ZMYND11: variants seen among roughly 807,000 people sequenced by gnomAD.
ZMYND11 encodes the protein zinc finger MYND-type containing 11.
ZMYND11 carries 9 observed loss-of-function variants against 84.9 expected under a neutral mutation model. The observed-to-expected ratio is 0.11, with a 90% CI of 0.06 to 0.18. ZMYND11 has a LOEUF of 0.18. Ranked by LOEUF, ZMYND11 falls within the 10% of genes least tolerant of loss-of-function variation. ZMYND11 has a pLI of 1.00. For synonymous variants in ZMYND11, 250 were observed against 244.1 expected, an observed-to-expected ratio of 1.02 and a Z score of -0.23; for missense variants, 409 against 761.0, an observed-to-expected ratio of 0.54 and a Z score of 5.44.
intron 4 of ZMYND11, among the ~76,000 whole-genome samples, chr10:225,908 GC>G (rs1948036193): frequency 6.6e-6 from 1 of 152,168 alleles, no homozygotes; most frequent in Non-Finnish European, 1.5e-5. Flanking sequence ...CTGTTCGAGA[GC>G]TTCTTTGGTG....
intron 2 of ZMYND11, among the ~76,000 whole-genome samples, chr10:196,468 T>A (rs1369073848): frequency 1.3e-5 from 2 of 152,174 alleles, no homozygotes; most frequent in Non-Finnish European, 2.9e-5. Context: ...TGGAAGTTTT[T>A]AAGATGTATA....
chr10:146,799 A>G (rs935357188), intron 1 of ZMYND11, among the ~76,000 whole-genome samples: 2 of 152,212 alleles, frequency 1.3e-5, no homozygotes. Flanking sequence ...GGTTTTCCCC[A>G]TGCTGTTCTC....
intron 2 of ZMYND11, chr10:197,886 A>G: frequency 1.8e-6 from 1 of 564,446 alleles, no homozygotes; most frequent in South Asian, 2.3e-5. Flanking sequence ...GTGACTATCA[A>G]ACTTACAATA....
At chr10:224,712 G>A (rs1485138360) in intron 4 of ZMYND11, among the ~76,000 whole-genome samples, 1 of 152,122 alleles carries the variant, frequency 6.6e-6, no homozygotes, top group African/African-American at 2.4e-5. Context: ...TAGTGTGTAT[G>A]TACTCGACAG....
intron 2 of ZMYND11, among the ~76,000 whole-genome samples, chr10:197,634 G>A (rs1173212695): frequency 6.6e-6 from 1 of 152,156 alleles, no homozygotes; most frequent in Non-Finnish European, 1.5e-5. Flanking sequence ...AGTTGCCTAG[G>A]TAAAGTGTAG....
intron 3 of ZMYND11, among the ~76,000 whole-genome samples, chr10:215,138 C>G (rs1945951314): frequency 6.6e-6 from 1 of 152,198 alleles, no homozygotes; most frequent in Non-Finnish European, 1.5e-5. Context: ...TTGACAGATA[C>G]TTTTGATCTC....
intron 3 of ZMYND11, among the ~76,000 whole-genome samples, chr10:219,416 T>A (rs2131394672): frequency 6.6e-6 from 1 of 152,342 alleles, no homozygotes; most frequent in Non-Finnish European, 1.5e-5. Flanking sequence ...TTAAGATGTT[T>A]TTAAAACAGC....
chr10:134,562 A>C (rs192752836), upstream of ZMYND11: 1 of 152,416 alleles, frequency 6.6e-6, no homozygotes, highest in East Asian at 1.9e-4. Flanking sequence ...CGGGGAACTT[A>C]GCGTATCCCT....
At chr10:205,625 GC>G (rs1943980453) in intron 2 of ZMYND11, among the ~76,000 whole-genome samples, 1 of 152,122 alleles carries the variant, frequency 6.6e-6, no homozygotes, top group Admixed American at 6.6e-5. Flanking sequence ...GGGAGGTCAA[GC>G]CTGCAGTGAG....
intron 1 of ZMYND11, among the ~76,000 whole-genome samples, chr10:179,370 T>C (rs1428012257): frequency 6.6e-6 from 1 of 152,166 alleles, no homozygotes; most frequent in African/African-American, 2.4e-5. Context: ...TGCTGTTTCC[T>C]AATAGTGTAA....
intron 2 of ZMYND11, among the ~76,000 whole-genome samples, chr10:202,834 A>G (rs1438921185): frequency 2.0e-5 from 3 of 152,346 alleles, no homozygotes; most frequent in Non-Finnish European, 4.4e-5. Context: ...TGCTAGGACT[A>G]ACAACAAAGC....
At chr10:164,623 C>CA (rs1474932160) in intron 1 of ZMYND11, among the ~76,000 whole-genome samples, 1 of 152,158 alleles carries the variant, frequency 6.6e-6, no homozygotes, top group East Asian at 1.9e-4. Flanking sequence ...CCCGTTTACT[C>CA]AGATTCCATT....
chr10:238,519 C>G (rs1019455153), intron 6 of ZMYND11, among the ~76,000 whole-genome samples: 5 of 151,908 alleles, frequency 3.3e-5, no homozygotes, highest in East Asian at 1.9e-4. Flanking sequence ...ACCACGCCCA[C>G]CTAATTTTTT....
At chr10:227,836 T>C (rs888546483) in intron 4 of ZMYND11, among the ~76,000 whole-genome samples, 4 of 152,180 alleles carry the variant, frequency 2.6e-5, no homozygotes, top group South Asian at 4.1e-4. Flanking sequence ...GTAAGTACTT[T>C]TACACTTTCA....
chr10:187,633 CAAAAAA>C (rs55992888), intron 2 of ZMYND11, among the ~76,000 whole-genome samples: 1 of 136,190 alleles, frequency 7.3e-6, no homozygotes. Context: ...GACTCCGTCT[CAAAAAA>C]AAAAAAAAAA....
chr10:179,462 A>G (rs961801446), intron 1 of ZMYND11, among the ~76,000 whole-genome samples: 4 of 152,098 alleles, frequency 2.6e-5, no homozygotes, highest in Non-Finnish European at 4.4e-5. Flanking sequence ...CTGTCCCTCA[A>G]CCTTTCACAT....
chr10:249,855 T>C (rs1242509518), intron 14 of ZMYND11: 2 of 847,168 alleles, frequency 2.4e-6, no homozygotes, highest in Non-Finnish European at 2.8e-6. Context: ...GAAAGAAATA[T>C]TTTTAAATCT....
chr10:236,268 CT>C (rs1300019678), intron 4 of ZMYND11, among the ~76,000 whole-genome samples: 2 of 152,140 alleles, frequency 1.3e-5, no homozygotes, highest in African/African-American at 2.4e-5. Context: ...TGAAGTTAGA[CT>C]TTTTTGGTGC....
intron 9 of ZMYND11, 41 bp downstream of exon 9, chr10:241,011 TAAGG>T (rs761470176): frequency 6.9e-7 from 1 of 1,457,578 alleles, no homozygotes; most frequent in Non-Finnish European, 9.5e-7. Context: ...CATACAGCTC[TAAGG>T]AAGTTTATTT....
Sources: gnomAD v4.1 joint callset for allele counts (sites outside exome capture counted in the v4.1 genomes callset) on GRCh38, gnomAD v4.1.1 for gene constraint, MANE v1.5 for transcripts, NCBI Gene and HGNC (gene_info 2026-07-23, HGNC 2026-07-21) for gene names.